SLC7A1: variants seen among roughly 807,000 people sequenced by gnomAD.
SLC7A1 encodes the protein solute carrier family 7 member 1.
A neutral mutation model predicts 53.9 loss-of-function variants in SLC7A1; 10 were observed. The observed-to-expected ratio is 0.19, with a 90% CI of 0.11 to 0.31. The LOEUF (loss-of-function observed/expected upper bound fraction) is 0.31. SLC7A1 is among the 10% of genes least tolerant of loss of function. The pLI is 1.00. For missense variants in SLC7A1, 525 were observed against 827.2 expected, an observed-to-expected ratio of 0.63 and a Z score of 4.48; for synonymous variants, 342 against 338.7, an observed-to-expected ratio of 1.01 and a Z score of -0.11.
intron 1 of SLC7A1, among the ~76,000 whole-genome samples, chr13:29,589,310 G>C (rs1566279803): frequency 1.3e-5 from 2 of 152,262 alleles, no homozygotes; most frequent in South Asian, 4.1e-4. Flanking sequence ...CTGCAAAGGG[G>C]TCTCCCCAGG....
chr13:29,577,111 G>T (rs1307931167), intron 1 of SLC7A1, among the ~76,000 whole-genome samples: 1 of 152,196 alleles, frequency 6.6e-6, no homozygotes, highest in African/African-American at 2.4e-5. Flanking sequence ...TTGGCATAAG[G>T]TCTTTTACTG....
At chr13:29,585,984 CACAGG>C (rs1871862996) in intron 1 of SLC7A1, among the ~76,000 whole-genome samples, 1 of 152,178 alleles carries the variant, frequency 6.6e-6, no homozygotes, top group Non-Finnish European at 1.5e-5. Flanking sequence ...AATTCTCAAC[CACAGG>C]ACAGGACAAA....
chr13:29,560,446 A>G (rs554864581), intron 1 of SLC7A1, among the ~76,000 whole-genome samples: 6 of 150,776 alleles, frequency 4.0e-5, no homozygotes, highest in Non-Finnish European at 5.9e-5. Context: ...ACATATATAC[A>G]TAATATATAC....
chr13:29,556,950 A>G (rs1337605121), intron 1 of SLC7A1, among the ~76,000 whole-genome samples: 1 of 152,248 alleles, frequency 6.6e-6, no homozygotes, highest in Non-Finnish European at 1.5e-5. Context: ...CGTGGTATAA[A>G]AGCAGTTCAT....
chr13:29,592,277 G>C (rs952559796), intron 1 of SLC7A1, among the ~76,000 whole-genome samples: 2 of 152,182 alleles, frequency 1.3e-5, no homozygotes, highest in African/African-American at 4.8e-5. Flanking sequence ...ACAATAACTA[G>C]AGGAAAAAAG....
intron 3 of SLC7A1, among the ~76,000 whole-genome samples, chr13:29,534,252 T>C (rs1869305482): frequency 6.6e-6 from 1 of 152,212 alleles, no homozygotes; most frequent in Non-Finnish European, 1.5e-5. Context: ...AACACATTTT[T>C]ATAATGCATG....
At chr13:29,550,200 C>A (rs999030854) in intron 2 of SLC7A1, among the ~76,000 whole-genome samples, 10 of 152,144 alleles carry the variant, frequency 6.6e-5, no homozygotes, top group African/African-American at 2.4e-4. Flanking sequence ...GCCATTTAAC[C>A]CACCTCGCTC....
At chr13:29,582,072 C>T (rs374746147) in intron 1 of SLC7A1, among the ~76,000 whole-genome samples, 22 of 152,234 alleles carry the variant, frequency 1.4e-4, no homozygotes, top group African/African-American at 5.3e-4. Flanking sequence ...ATATAACCTA[C>T]AAGAGGGGAA....
intron 1 of SLC7A1, among the ~76,000 whole-genome samples, chr13:29,576,058 T>C (rs1871395319): frequency 6.6e-6 from 1 of 150,650 alleles, no homozygotes; most frequent in East Asian, 1.9e-4. Context: ...GAGGCTGAAA[T>C]AGGAGGATCC....
intron 1 of SLC7A1, among the ~76,000 whole-genome samples, chr13:29,592,910 TC>T (rs1872167785): frequency 6.6e-6 from 1 of 151,766 alleles, no homozygotes. Flanking sequence ...ACAGGACAAG[TC>T]CACCACCAGG....
intron 1 of SLC7A1, among the ~76,000 whole-genome samples, chr13:29,570,628 G>A (rs1871152373): frequency 6.6e-6 from 1 of 152,164 alleles, no homozygotes; most frequent in Admixed American, 6.5e-5. Flanking sequence ...CAGGCGGATG[G>A]ATGGCTTGAG....
chr13:29,541,167 C>T (rs989516158), intron 2 of SLC7A1, among the ~76,000 whole-genome samples: 1 of 152,166 alleles, frequency 6.6e-6, no homozygotes, highest in Non-Finnish European at 1.5e-5. Flanking sequence ...CACTTCCCCC[C>T]AGATGTTAGG....
At chr13:29,567,892 C>T (rs1871037465) in intron 1 of SLC7A1, among the ~76,000 whole-genome samples, 1 of 151,916 alleles carries the variant, frequency 6.6e-6, no homozygotes, top group South Asian at 2.1e-4. Context: ...AGCTGTGTTG[C>T]TGGAACGTGC....
intron 3 of SLC7A1, 81 bp from the exon 4 acceptor site, chr13:29,533,063 C>T (rs896380858): frequency 2.1e-5 from 29 of 1,399,438 alleles, no homozygotes; most frequent in Non-Finnish European, 2.6e-5. Flanking sequence ...ATGTTGATAA[C>T]ATCATTGCAG....
chr13:29,531,394 C>CA (rs757661402), intron 4 of SLC7A1, among the ~76,000 whole-genome samples: 7 of 152,108 alleles, frequency 4.6e-5, no homozygotes, highest in Non-Finnish European at 1.0e-4. Context: ...GCACATGCCC[C>CA]AGCACCACCT....
chr13:29,540,388 G>A (rs560925786), intron 2 of SLC7A1, among the ~76,000 whole-genome samples: 6 of 152,264 alleles, frequency 3.9e-5, no homozygotes, highest in Non-Finnish European at 7.3e-5. Context: ...AGAAAAGCAC[G>A]TTTCCCACAG....
Position 29,532,953 on chromosome 13 carries a change from C to T in SLC7A1, c.400G>A (p.Ala134Thr). Residue 134 changes from alanine (A) to threonine (T), a missense_variant, in exon 4 of 13, where the codon GCC becomes ACC. This residue lies in a region of SLC7A1 where 354 missense variants were observed against 587.5 expected (regional missense o/e 0.60). Coordinates refer to ENST00000380752, the MANE Select transcript of SLC7A1 (RefSeq NM_003045.5). The part of the protein sequence containing the change: ...GTSSVARAWS[A>T]TFDELIGRPI... ...CTGCCTATCAGCTCGTCGAAGGTGG[C>T]GCTCCAGGCCCTCGCTACGCTTGAA... 1.2e-6 allele frequency: 2 copies of T among 1,613,594 alleles called. No homozygotes were observed. Among genetic ancestry groups the T allele is most frequent in the Non-Finnish European group, 1.7e-6 (2 of 1,179,748 alleles).
intron 8 of SLC7A1, among the ~76,000 whole-genome samples, chr13:29,520,962 G>A (rs186986485): frequency 2.6e-5 from 4 of 152,290 alleles, no homozygotes; most frequent in African/African-American, 9.6e-5. Flanking sequence ...TTTGTGAATG[G>A]CATGTACTTT....
At chr13:29,546,930 C>A (rs1205216274) in intron 2 of SLC7A1, among the ~76,000 whole-genome samples, 2 of 152,228 alleles carry the variant, frequency 1.3e-5, no homozygotes, top group Non-Finnish European at 2.9e-5. Flanking sequence ...AATCGAGTCA[C>A]AATTGCTAAT....
Sources: allele counts gnomAD v4.1 joint callset (sites outside exome capture counted in the v4.1 genomes callset), GRCh38; gene constraint gnomAD v4.1.1; regional missense constraint gnomAD v4.1.1; transcripts MANE v1.5; gene names NCBI Gene and HGNC (gene_info 2026-07-23, HGNC 2026-07-21).